Variants in KIR2DL3 observed in about 807,000 individuals in gnomAD.
KIR2DL3 encodes killer cell immunoglobulin-like receptor 2DL3.
A neutral mutation model predicts 33.8 loss-of-function variants in KIR2DL3; 39 were observed. The observed-to-expected ratio is 1.15, with a 90% CI of 0.89 to 1.51. The LOEUF (loss-of-function observed/expected upper bound fraction) is 1.51, where lower values mean the gene tolerates loss of function less well. Ranked by LOEUF, KIR2DL3 falls within the 40% of genes most tolerant of loss-of-function variation. The pLI, the probability that KIR2DL3 is intolerant of heterozygous loss-of-function variation, is 0.00. For synonymous variants in KIR2DL3, 174 were observed against 160.2 expected (o/e 1.09, Z -0.65); for missense variants, 462 against 426.2 (o/e 1.08, Z -0.74).
intron 4 of KIR2DL3, among the ~76,000 whole-genome samples, chr19:54,744,579 T>A (rs1236784482): frequency 2.0e-5 from 3 of 151,244 alleles, no homozygotes; most frequent in Non-Finnish European, 4.4e-5. Context: ...TATGCTGGAG[T>A]GCAGTGGCAC....
rs1314187308 is a variant in KIR2DL3, at chr19:54,744,092, A to C, written c.664+4A>C. 1 of 1,614,134 alleles carries C rather than the reference A, an allele frequency of 6.2e-7. No individual in the cohort carries two copies. The highest frequency in any genetic ancestry group is 8.5e-7 in the Non-Finnish European group (1 of 1,180,022). On this transcript the variant is annotated splice_donor_region_variant and intron_variant, in intron 4 of 7. Coordinates refer to ENST00000342376, the MANE Select transcript of KIR2DL3 (RefSeq NM_015868.3). ...CCACTGCTTGTTTCTGTCACAGGTG[A>C]GGAAACCCCATATCTGTCTCATGTC...
intron 5 of KIR2DL3, among the ~76,000 whole-genome samples, chr19:54,748,411 T>C (rs779551424): frequency 5.6e-5 from 8 of 141,908 alleles, no homozygotes; most frequent in African/African-American, 7.7e-5. Flanking sequence ...AAATAACATA[T>C]TCACAAGCTA....
At position 54,752,345 on chromosome 19, in the gene KIR2DL3, C is replaced by T. The variant is rs2073594272; in HGVS notation, c.874-22C>T. ...TGGAAAATGTGAGCACCCTCCCTCA[C>T]TCAGCATTTCCCTCTCTCCAGGACT... On this transcript the variant is annotated intron_variant, in intron 7 of 7. Coordinates refer to ENST00000342376, the MANE Select transcript of KIR2DL3 (RefSeq NM_015868.3). 36 of 1,482,334 alleles carry T rather than the reference C, an allele frequency of 2.4e-5. 6 individuals are homozygous for T. Among genetic ancestry groups the T allele is most frequent in the Non-Finnish European group, 3.2e-5 (35 of 1,086,282 alleles). 91.8% of individuals were successfully genotyped at this position (1,482,334 alleles called of 1,614,324 possible). A position where few individuals can be genotyped will look rare whatever the true frequency, so the allele number is the denominator to read the frequency against.
chr19:54,739,120 G>T (rs1328792278), intron 1 of KIR2DL3, among the ~76,000 whole-genome samples: 3 of 150,620 alleles, frequency 2.0e-5, no homozygotes, highest in Admixed American at 2.0e-4. Context: ...ATATGGGCCT[G>T]GGTGTGGAGA....
chr19:54,741,656 A>T (rs937038770), intron 2 of KIR2DL3, among the ~76,000 whole-genome samples: 4 of 151,874 alleles, frequency 2.6e-5, no homozygotes, highest in African/African-American at 9.7e-5. Flanking sequence ...AAGAGCCTGG[A>T]TGTGCAGCCT....
intron 4 of KIR2DL3, among the ~76,000 whole-genome samples, chr19:54,744,952 ATATTTTTTTT>A (rs1206050051): frequency 8.1e-4 from 22 of 27,222 alleles, no homozygotes; most frequent in Admixed American, 1.9e-3. Flanking sequence ...ATATATATAT[ATATTTTTTTT>A]TTTTTTTTTT....
chr19:54,741,202 G>A (rs751542556), intron 2 of KIR2DL3, among the ~76,000 whole-genome samples: 2 of 151,432 alleles, frequency 1.3e-5, no homozygotes, highest in South Asian at 2.1e-4. Flanking sequence ...AGCCAGGCAT[G>A]GTGGCAGGTG....
chr19:54,742,020 C>T lies in KIR2DL3; in HGVS notation c.111C>T (p.Pro37=). 4.3e-6 allele frequency: 7 copies of T among 1,612,068 alleles called. No homozygotes were observed. Among genetic ancestry groups the T allele is most frequent in the Non-Finnish European group, 5.1e-6 (6 of 1,178,934 alleles). The part of the protein sequence containing the change: ...RKPSLLAHPG[P]LVKSEETVIL... ...CTTCCCTCCTGGCCCACCCAGGTCC[C>T]CTGGTGAAATCAGAAGAGACAGTCA... The change falls in exon 3 of 8, where the codon CCC becomes CCT. Residue 37 remains proline, a synonymous_variant. Coordinates refer to ENST00000342376, the MANE Select transcript of KIR2DL3 (RefSeq NM_015868.3).
chr19:54,744,913 T>C (rs74770658), intron 4 of KIR2DL3, among the ~76,000 whole-genome samples: 15 of 38,562 alleles, frequency 3.9e-4, no homozygotes, highest in South Asian at 2.0e-3. Flanking sequence ...CACACACACA[T>C]ATATAAACAT....
intron 4 of KIR2DL3, among the ~76,000 whole-genome samples, chr19:54,744,566 C>A (rs2071911902): frequency 6.6e-6 from 1 of 151,384 alleles, no homozygotes; most frequent in South Asian, 2.1e-4. Context: ...TAGCTCTGTC[C>A]CCTATGCTGG....
intron 1 of KIR2DL3, among the ~76,000 whole-genome samples, chr19:54,739,272 T>A (rs1265699047): frequency 1.3e-5 from 2 of 150,018 alleles, no homozygotes; most frequent in Non-Finnish European, 3.0e-5. Flanking sequence ...GATATGGGCC[T>A]AGGGTGGAAA....
At chr19:54,751,313 G>A (rs770990372) in intron 5 of KIR2DL3, among the ~76,000 whole-genome samples, 4 of 130,706 alleles carry the variant, frequency 3.1e-5, no homozygotes, top group Non-Finnish European at 6.7e-5. Context: ...TGCTAACCCC[G>A]TCTCCTTGGG....
chr19:54,743,834 C>A lies in KIR2DL3; in HGVS notation c.410C>A (p.Pro137His), dbSNP rs558508248. The change falls in exon 4 of 8, where the codon CCC (proline) becomes CAC (histidine). Residue 137 changes from proline (P) to histidine (H), a missense_variant. Transcript: ENST00000342376. The stretch of plus-strand genomic sequence containing the variant: ...CCTTCTCTCTCAGCCCAGCCGGGCC[C>A]CACGGTTCTGGCAGGAGAGAGCGTG... ...EKPSLSAQPG[P>H]TVLAGESVTL... The A allele has an allele frequency of 5.6e-6, 9 of 1,612,624 alleles. No homozygotes were observed. The East Asian group carries it at 2.0e-4, about 36-fold the overall frequency.
chr19:54,751,920 A>G lies in KIR2DL3; in HGVS notation c.820+167A>G, dbSNP rs542621366. Among the ~76,000 whole-genome samples the G allele has an allele frequency of 1.6e-4, 22 of 133,692 alleles. 5 individuals carry two copies. The highest frequency in any genetic ancestry group is 2.6e-4 in the Non-Finnish European group (16 of 60,836). The allele number at this position is 133,692 out of a possible 152,430, so 87.7% of individuals were successfully genotyped here. A position where few individuals can be genotyped will look rare whatever the true frequency, so the allele number is the denominator to read the frequency against. On this transcript the variant is annotated intron_variant, in intron 6 of 7. Coordinates refer to ENST00000342376, the MANE Select transcript of KIR2DL3 (RefSeq NM_015868.3). ...CACCAGACTCCCTGTCCCTGCCTTC[A>G]GCTCACAGACCATTGCCTGATTCTG...
intron 1 of KIR2DL3, 148 bp from the exon 2 acceptor site, chr19:54,739,359 C>A: frequency 1.5e-6 from 2 of 1,357,008 alleles, no homozygotes; most frequent in Non-Finnish European, 1.1e-6. Flanking sequence ...AGCCGACAGC[C>A]CTGTTCTTGG....
At chr19:54,743,009 AT>A (rs2071473836) in intron 3 of KIR2DL3, among the ~76,000 whole-genome samples, 1 of 152,110 alleles carries the variant, frequency 6.6e-6, no homozygotes, top group African/African-American at 2.4e-5. Flanking sequence ...GGTGAGAATG[AT>A]GGCAGGGAGC....
chr19:54,741,543 C>T (rs113314994), intron 2 of KIR2DL3, among the ~76,000 whole-genome samples: 5 of 132,176 alleles, frequency 3.8e-5, no homozygotes, highest in Middle Eastern at 4.2e-3. Flanking sequence ...TCCCAGTCCC[C>T]ACCAGGAACA....
Position 54,751,764 on chromosome 19 carries a change from C to T in KIR2DL3, c.820+11C>T, listed in dbSNP as rs757777701. ...GCTGCAACAAAAAAAGTAAGTCTCA[C>T]GAAGCAGAGGCCAGAGAGCTCAGGG... On this transcript the variant is annotated intron_variant, in intron 6 of 7. Transcript: ENST00000342376. The T allele has an allele frequency of 1.9e-5, 28 of 1,450,682 alleles. 3 individuals are homozygous for T. Among genetic ancestry groups the T allele is most frequent in the African/African-American group, 4.7e-5 (3 of 64,228 alleles). 89.9% of individuals were successfully genotyped at this position (1,450,682 alleles called of 1,614,324 possible). A position where few individuals can be genotyped will look rare whatever the true frequency, so the allele number is the denominator to read the frequency against.
chr19:54,744,899 C>T (rs57992928), intron 4 of KIR2DL3, among the ~76,000 whole-genome samples: 6,293 of 37,000 alleles, frequency 0.17, 140 homozygotes, highest in African/African-American at 0.26. Flanking sequence ...TATATATATA[C>T]ACACACACAC....
Sources: gnomAD v4.1 joint callset for allele counts (sites outside exome capture counted in the v4.1 genomes callset) on GRCh38, gnomAD v4.1.1 for gene constraint, MANE v1.5 for transcripts, NCBI Gene and HGNC (gene_info 2026-07-23, HGNC 2026-07-21) for gene names.